The following TSHZ2 variants were observed in gnomAD, a reference collection of about 807,000 sequenced individuals.
TSHZ2 encodes teashirt homolog 2.
TSHZ2 carries 21 observed loss-of-function variants against 74.4 expected under a neutral mutation model. That is an observed-to-expected ratio of 0.28 (90% confidence interval 0.20 to 0.41). TSHZ2 has a LOEUF of 0.41. Ranked by LOEUF, TSHZ2 falls within the 10% of genes least tolerant of loss-of-function variation. The pLI is 1.00. For synonymous variants in TSHZ2, 540 were observed against 515.3 expected (o/e 1.05, Z -0.65); for missense variants, 1,244 against 1,293.5 (o/e 0.96, Z 0.59).
chr20:52,991,788 T>C (rs962386115), intron 1 of TSHZ2, among the ~76,000 whole-genome samples: 8 of 151,982 alleles, frequency 5.3e-5, no homozygotes, highest in African/African-American at 1.5e-4. Context: ...ATGTTGTGGG[T>C]ATTAGTGTGT....
chr20:53,212,282 A>G (rs1221585097), intron 1 of TSHZ2, among the ~76,000 whole-genome samples: 1 of 152,226 alleles, frequency 6.6e-6, no homozygotes. Context: ...TATTTGAGCT[A>G]TTTCTTTAGA....
At chr20:53,342,319 A>C (rs1201669521) in intron 2 of TSHZ2, among the ~76,000 whole-genome samples, 6 of 79,484 alleles carry the variant, frequency 7.5e-5, no homozygotes, top group African/African-American at 3.0e-4. Flanking sequence ...TTTTTTTTTT[A>C]ATGATGACCT....
chr20:53,490,797 A>G lies in TSHZ2; in HGVS notation c.*3662A>G, dbSNP rs1986426639. 6.6e-6 allele frequency: 1 copy of G among 152,272 alleles called. No individual in the cohort carries two copies. Among genetic ancestry groups the G allele is most frequent in the Non-Finnish European group, 1.5e-5 (1 of 68,058 alleles). 9.4% of individuals were successfully genotyped at this position (152,272 alleles called of 1,614,324 possible). On this transcript the variant is annotated 3_prime_UTR_variant, in exon 3 of 3. Transcript: ENST00000371497. Reference sequence around the variant, plus strand: ...AAGTGGTGAGGAGGGGTGTGTGAAGACAGTGTGCATGCATGAGTGTGTATT... The same window carrying G: ...AAGTGGTGAGGAGGGGTGTGTGAAGGCAGTGTGCATGCATGAGTGTGTATT...
intron 1 of TSHZ2, among the ~76,000 whole-genome samples, chr20:53,043,402 G>A (rs1177926114): frequency 1.3e-5 from 2 of 152,100 alleles, no homozygotes; most frequent in Admixed American, 1.3e-4. Context: ...CAGGAATACT[G>A]ATAAATATTA....
intron 2 of TSHZ2, among the ~76,000 whole-genome samples, chr20:53,473,302 G>A (rs1985886014): frequency 7.0e-6 from 1 of 142,238 alleles, no homozygotes; most frequent in African/African-American, 2.7e-5. Flanking sequence ...GCACGCAGCT[G>A]GAGATCTGAG....
At chr20:53,393,454 A>C (rs1191638984) in intron 2 of TSHZ2, among the ~76,000 whole-genome samples, 1 of 152,242 alleles carries the variant, frequency 6.6e-6, no homozygotes, top group Non-Finnish European at 1.5e-5. Context: ...TGTAAAACAC[A>C]TGTAGCATCT....
At chr20:53,248,153 C>G (rs1990247314) in intron 1 of TSHZ2, among the ~76,000 whole-genome samples, 1 of 152,172 alleles carries the variant, frequency 6.6e-6, no homozygotes. Context: ...TCACTGCAGC[C>G]TCAACCTTCT....
At chr20:53,345,833 G>T (rs573956445) in intron 2 of TSHZ2, among the ~76,000 whole-genome samples, 1 of 151,112 alleles carries the variant, frequency 6.6e-6, no homozygotes, top group Non-Finnish European at 1.5e-5. Context: ...GCGTGATCAC[G>T]TGCTGATTTC....
intron 1 of TSHZ2, among the ~76,000 whole-genome samples, chr20:53,014,380 A>G (rs1210504422): frequency 6.6e-6 from 1 of 152,186 alleles, no homozygotes; most frequent in Non-Finnish European, 1.5e-5. Context: ...GTGGGGACAT[A>G]ATTCAGTCGA....
intron 1 of TSHZ2, among the ~76,000 whole-genome samples, chr20:53,082,947 G>A (rs933304767): frequency 6.6e-6 from 1 of 152,220 alleles, no homozygotes; most frequent in Non-Finnish European, 1.5e-5. Context: ...CTGGTTAGAT[G>A]GAGGCAAGGC....
intron 1 of TSHZ2, among the ~76,000 whole-genome samples, chr20:53,051,260 AC>A (rs1984449436): frequency 6.6e-6 from 1 of 152,020 alleles, no homozygotes; most frequent in African/African-American, 2.4e-5. Context: ...ACCTGCTTGA[AC>A]CCAGGAAGTG....
At chr20:53,406,039 T>C (rs546174920) in intron 2 of TSHZ2, among the ~76,000 whole-genome samples, 4 of 151,644 alleles carry the variant, frequency 2.6e-5, no homozygotes, top group Non-Finnish European at 4.4e-5. Flanking sequence ...AAATAAATAG[T>C]GGTGAGGTGG....
rs533952523 is a variant in TSHZ2 at position 53,454,266 on chromosome 20, T to C, written c.*9-32878T>C. Among the ~76,000 whole-genome samples the C allele has an allele frequency of 2.6e-5, 4 of 152,178 alleles. No homozygotes were observed. The South Asian group carries it at 8.3e-4, about 32-fold the overall frequency. ...TGTCTGATGAAACCCGTGGAGCCCT[T>C]TAAAATGTCTTTAAAGGCCAGGCGT... On this transcript the variant is annotated intron_variant, in intron 2 of 2. Transcript: ENST00000371497.
At chr20:53,148,342 G>A (rs559494631) in intron 1 of TSHZ2, among the ~76,000 whole-genome samples, 28 of 152,292 alleles carry the variant, frequency 1.8e-4, no homozygotes, top group African/African-American at 5.5e-4. Flanking sequence ...AGCATCTAGC[G>A]TGTAGAGGCG....
At chr20:53,339,856 T>G (rs1371431868) in intron 2 of TSHZ2, among the ~76,000 whole-genome samples, 2 of 152,114 alleles carry the variant, frequency 1.3e-5, no homozygotes, top group Non-Finnish European at 2.9e-5. Flanking sequence ...CTTTTAGGAT[T>G]TGTATCATCT....
intron 1 of TSHZ2, among the ~76,000 whole-genome samples, chr20:53,089,222 G>T (rs1003282727): frequency 6.6e-6 from 1 of 150,888 alleles, no homozygotes; most frequent in Admixed American, 6.7e-5. Flanking sequence ...TAAAACATAC[G>T]TGGCACATCT....
intron 1 of TSHZ2, among the ~76,000 whole-genome samples, chr20:53,050,142 T>TATATATATATACACATATATATGTAC (rs1984398404): frequency 1.1e-5 from 1 of 87,416 alleles, no homozygotes; most frequent in Non-Finnish European, 2.4e-5. Context: ...TATATATGTG[T>TATATATATATACACATATATATGTAC]ATATATATAT....
chr20:53,171,085 G>A (rs1988190145), intron 1 of TSHZ2, among the ~76,000 whole-genome samples: 1 of 152,048 alleles, frequency 6.6e-6, no homozygotes, highest in Non-Finnish European at 1.5e-5. Context: ...GTATCTGTGT[G>A]TTTTAATAGG....
rs547772493 is a variant in TSHZ2 at position 52,973,021 on chromosome 20, A to AT, written c.-271dup. 52 of 405,442 alleles carry AT rather than the reference A, an allele frequency of 1.3e-4. 1 individual carries two copies. The South Asian group carries it at 4.3e-3, about 33-fold the overall frequency. 25.1% of individuals were successfully genotyped at this position (405,442 alleles called of 1,614,324 possible). A position where few individuals can be genotyped will look rare whatever the true frequency, so the allele number is the denominator to read the frequency against. ...AAACAAAAAAGAGAGAGGAAAAAAA[A>AT]TTCAAAATAAACAAACAAACAAACA... is the stretch of plus-strand genomic sequence containing the variant. On this transcript the variant is annotated 5_prime_UTR_variant, in exon 1 of 3. It introduces an in-frame stop codon into an upstream open reading frame of the 5' UTR. Transcript: ENST00000371497.
Sources: allele counts gnomAD v4.1 joint callset (sites outside exome capture counted in the v4.1 genomes callset), GRCh38; gene constraint gnomAD v4.1.1; transcripts MANE v1.5; gene names NCBI Gene and HGNC (gene_info 2026-07-23, HGNC 2026-07-21).